Variants in PCDHGB1 observed in about 807,000 individuals in gnomAD.
PCDHGB1 encodes protocadherin gamma subfamily B, 1, also known as protocadherin gamma-B1.
A neutral mutation model predicts 56.6 loss-of-function variants in PCDHGB1; 34 were observed. The observed-to-expected ratio is 0.60, with a 90% CI of 0.46 to 0.80. The LOEUF is 0.80. Ranked by LOEUF, PCDHGB1 falls within the 30% of genes least tolerant of loss-of-function variation. PCDHGB1 has a pLI of 0.00. For missense variants in PCDHGB1, 1,278 were observed against 1,204.6 expected, an observed-to-expected ratio of 1.06 and a Z score of -0.90; for synonymous variants, 561 against 505.9, an observed-to-expected ratio of 1.11 and a Z score of -1.46.
At chr5:141,355,793 G>A (rs1157536797) in intron 1 of PCDHGB1, 6 of 1,613,574 alleles carry the variant, frequency 3.7e-6, no homozygotes, top group South Asian at 1.1e-5. Context: ...GTGCTGGAAC[G>A]CGCTCTAGAT....
At position 141,427,298 on chromosome 5, in the gene PCDHGB1, G is replaced by A. The variant is rs960474831; in HGVS notation, c.2410-67509G>A. The A allele has an allele frequency of 8.8e-6, 4 of 456,870 alleles. No individual in the cohort carries two copies. The Admixed American group carries it at 9.4e-5, about 11-fold the overall frequency. 28.3% of individuals were successfully genotyped at this position (456,870 alleles called of 1,614,324 possible). A position where few individuals can be genotyped will look rare whatever the true frequency, so the allele number is the denominator to read the frequency against. On this transcript the variant is annotated intron_variant, in intron 1 of 3. Coordinates refer to ENST00000523390, the MANE Select transcript of PCDHGB1 (RefSeq NM_018922.3). ...AAATTATACTAGAAATCCTAGATGA[G>A]AATGACAATGCCCCAGACGTGGTTT...
chr5:141,470,871 T>C (rs1036871133), intron 1 of PCDHGB1, among the ~76,000 whole-genome samples: 1 of 151,822 alleles, frequency 6.6e-6, no homozygotes, highest in Admixed American at 6.6e-5. Flanking sequence ...TGTTTGTTTG[T>C]TTTTTTGTTT....
intron 1 of PCDHGB1, among the ~76,000 whole-genome samples, chr5:141,446,338 G>T (rs964323259): frequency 6.6e-6 from 1 of 152,128 alleles, no homozygotes; most frequent in African/African-American, 2.4e-5. Flanking sequence ...GGAACTGGAT[G>T]GACAAAGCTA....
At chr5:141,414,570 C>G (rs1253876890) in intron 1 of PCDHGB1, 13 of 1,613,862 alleles carry the variant, frequency 8.1e-6, no homozygotes, top group Non-Finnish European at 1.0e-5. Flanking sequence ...TTACCTATAT[C>G]CCAGAGAACA....
chr5:141,374,478 G>A (rs781173070), intron 1 of PCDHGB1: 6 of 1,611,820 alleles, frequency 3.7e-6, no homozygotes, highest in Non-Finnish European at 5.1e-6. Context: ...AATACACCCC[G>A]ATTCTTAAAG....
chr5:141,405,407 C>G, intron 1 of PCDHGB1: 2 of 1,582,052 alleles, frequency 1.3e-6, no homozygotes, highest in Non-Finnish European at 1.7e-6. Flanking sequence ...TCTTTCTTTT[C>G]TTTTTTTGTT....
At chr5:141,418,535 G>GC in intron 1 of PCDHGB1, 1 of 1,614,002 alleles carries the variant, frequency 6.2e-7, no homozygotes, top group Non-Finnish European at 8.5e-7. Context: ...AAGCGGTACT[G>GC]CTCAGATAAG....
intron 1 of PCDHGB1, among the ~76,000 whole-genome samples, chr5:141,363,376 T>C (rs1762901403): frequency 6.6e-6 from 1 of 152,228 alleles, no homozygotes; most frequent in Admixed American, 6.5e-5. Context: ...TCAAGAGGTT[T>C]TTCTATTTCT....
chr5:141,496,083 C>T (rs1267834920), intron 2 of PCDHGB1, among the ~76,000 whole-genome samples: 8 of 151,904 alleles, frequency 5.3e-5, no homozygotes, highest in Admixed American at 3.3e-4. Flanking sequence ...CAACCCCCCA[C>T]CCACCACCCA....
At chr5:141,389,927 C>A (rs2091975121) in intron 1 of PCDHGB1, 2 of 1,613,944 alleles carry the variant, frequency 1.2e-6, no homozygotes, top group African/African-American at 2.7e-5. Flanking sequence ...ACCCCTCTGA[C>A]CTCCAGGCTG....
In PCDHGB1 at chr5:141,457,491, A is replaced by G. The variant is rs1462989353; in HGVS notation, c.2410-37316A>G. Among the ~76,000 whole-genome samples, 9 of 152,368 alleles carry G rather than the reference A, an allele frequency of 5.9e-5. No individual in the cohort carries two copies. The East Asian group carries it at 1.5e-3, about 26-fold the overall frequency. On this transcript the variant is annotated intron_variant, in intron 1 of 3. Transcript: ENST00000523390. ...ATAAGCAGGGCCAGGGTTAGTCTAA[A>G]ATGTAGGCAAAAAGCTTAAAAACAA...
Position 141,432,694 on chromosome 5 carries a change from C to A in PCDHGB1, c.2410-62113C>A. 1 of 1,613,936 alleles carries A rather than the reference C, an allele frequency of 6.2e-7. No homozygotes were observed. The highest frequency in any genetic ancestry group is 8.5e-7 in the Non-Finnish European group (1 of 1,179,964). On this transcript the variant is annotated intron_variant, in intron 1 of 3. Transcript: ENST00000523390. This position sits in a 1 kb window ranked among gnomAD's most constrained non-coding sequence, Gnocchi z 6.0. Reference sequence around the variant, plus strand: ...CGCTCAAGCAGAGCCTCGTAGTGGCCGTCCAGGACCACGGCCAGCCCCCTC... The same window carrying A: ...CGCTCAAGCAGAGCCTCGTAGTGGCAGTCCAGGACCACGGCCAGCCCCCTC...
chr5:141,496,234 T>C (rs2154591884), intron 2 of PCDHGB1, among the ~76,000 whole-genome samples: 1 of 152,232 alleles, frequency 6.6e-6, no homozygotes, highest in Middle Eastern at 3.4e-3. Context: ...AGGAACCCCC[T>C]GCGGGCTGAA....
At chr5:141,366,150 G>C in intron 1 of PCDHGB1, 2 of 1,614,136 alleles carry the variant, frequency 1.2e-6, no homozygotes, top group Non-Finnish European at 1.7e-6. Context: ...CTGTCCTACC[G>C]CCTGCTTAAG....
Position 141,409,216 on chromosome 5 carries a change from T to G in PCDHGB1, c.2409+56547T>G, listed in dbSNP as rs368791778. 9.9e-6 allele frequency: 16 copies of G among 1,613,886 alleles called. No individual in the cohort carries two copies. The African/African-American group carries it at 1.1e-4, about 11-fold the overall frequency. ...AGTGTAAAGTAATCATAGAAATCCT[T>G]GATGAAAACGACAACAGCCCAGAAA... is the stretch of plus-strand genomic sequence containing the variant. On this transcript the variant is annotated intron_variant, in intron 1 of 3. Coordinates refer to ENST00000523390, the MANE Select transcript of PCDHGB1 (RefSeq NM_018922.3).
At chr5:141,469,994 C>T (rs948868787) in intron 1 of PCDHGB1, among the ~76,000 whole-genome samples, 2 of 151,830 alleles carry the variant, frequency 1.3e-5, no homozygotes, top group Non-Finnish European at 1.5e-5. Flanking sequence ...AGCTGGTCGT[C>T]GTGGCACGCC....
Position 141,485,400 on chromosome 5 carries a change from G to A in PCDHGB1, c.2410-9407G>A. On this transcript the variant is annotated intron_variant, in intron 1 of 3. Transcript: ENST00000523390. The surrounding 1 kb of genome is among the most constrained non-coding windows in gnomAD (Gnocchi z 5.7). ...GGAGAGGTGAACCAAAGACACTTCC[G>A]TGTGGATTTGGACAGCGGAGCCCTG... is the stretch of plus-strand genomic sequence containing the variant. The A allele has an allele frequency of 6.2e-7, 1 of 1,614,076 alleles. No homozygotes were observed. The highest frequency in any genetic ancestry group is 8.5e-7 in the Non-Finnish European group (1 of 1,179,948).
intron 1 of PCDHGB1, chr5:141,422,047 A>G: frequency 6.2e-7 from 1 of 1,611,610 alleles, no homozygotes; most frequent in Non-Finnish European, 8.5e-7. Context: ...AGACGAGGGA[A>G]TCAACGGGGA....
At chr5:141,365,937 A>G (rs1431683352) in intron 1 of PCDHGB1, 3 of 1,614,226 alleles carry the variant, frequency 1.9e-6, no homozygotes, top group Non-Finnish European at 2.5e-6. Context: ...ACAGCCAGCG[A>G]CAGTGGGAAC....
Sources: allele counts gnomAD v4.1 joint callset (sites outside exome capture counted in the v4.1 genomes callset), GRCh38; gene constraint gnomAD v4.1.1; non-coding constraint Gnocchi (gnomAD v3.1); transcripts MANE v1.5; gene names NCBI Gene and HGNC (gene_info 2026-07-23, HGNC 2026-07-21).